Variants in RASSF3 observed in about 807,000 individuals in gnomAD.
RASSF3 encodes the protein ras association domain-containing protein 3.
RASSF3 carries 19 observed loss-of-function variants against 19.9 expected under a neutral mutation model. That is an observed-to-expected ratio of 0.96 (90% CI 0.67 to 1.40). The LOEUF is 1.40. Among genes scored for constraint, RASSF3 ranks in the 40% most tolerant of loss-of-function variants. RASSF3 has a pLI of 0.00. For synonymous variants in RASSF3, 110 were observed against 104.2 expected, an observed-to-expected ratio of 1.06 and a Z score of -0.34; for missense variants, 306 against 289.8, an observed-to-expected ratio of 1.06 and a Z score of -0.41.
intron 1 of RASSF3, among the ~76,000 whole-genome samples, chr12:64,664,853 T>C (rs986409555): frequency 2.6e-5 from 4 of 152,202 alleles, no homozygotes; most frequent in African/African-American, 9.7e-5. Flanking sequence ...CTAGCCTTGC[T>C]TTTTAGTTTA....
At chr12:64,637,827 T>A (rs1871374530) in intron 1 of RASSF3, among the ~76,000 whole-genome samples, 1 of 151,474 alleles carries the variant, frequency 6.6e-6, no homozygotes. Flanking sequence ...TTTCTATAGT[T>A]ATCAGATTTT....
chr12:64,627,264 CATCTCTTCT>C (rs1247627898), intron 1 of RASSF3, among the ~76,000 whole-genome samples: 2 of 152,144 alleles, frequency 1.3e-5, no homozygotes, highest in African/African-American at 4.8e-5. Context: ...ATTTATTCTC[CATCTCTTCT>C]ATGTCTGCTT....
At chr12:64,675,493 A>C (rs1340075539) in intron 1 of RASSF3, among the ~76,000 whole-genome samples, 1 of 152,092 alleles carries the variant, frequency 6.6e-6, no homozygotes, top group East Asian at 1.9e-4. Context: ...TAACTTTCTA[A>C]GGAACACTGG....
chr12:64,568,264 C>A (rs539115757), intron 2 of RASSF3, among the ~76,000 whole-genome samples: 1 of 152,048 alleles, frequency 6.6e-6, no homozygotes, highest in Admixed American at 6.5e-5. Flanking sequence ...AACTCCTGAC[C>A]TCAGATGATC....
intron 2 of RASSF3, among the ~76,000 whole-genome samples, chr12:64,552,825 C>CT (rs148374637): frequency 0.029 from 4,421 of 151,814 alleles, 226 homozygotes; most frequent in African/African-American, 0.1. Context: ...TTCTTTCTTT[C>CT]TTTTTTTTGA....
intron 1 of RASSF3, among the ~76,000 whole-genome samples, chr12:64,526,497 T>C (rs571476025): frequency 4.2e-4 from 64 of 152,282 alleles, no homozygotes; most frequent in African/African-American, 1.5e-3. Context: ...ACCACTATTC[T>C]ACTTTCTACC....
chr12:64,622,452 T>C (rs1428475166), intron 1 of RASSF3: 1 of 527,540 alleles, frequency 1.9e-6, no homozygotes, highest in African/African-American at 1.9e-5. Flanking sequence ...TAATTTATAC[T>C]GTTTACTTAT....
intron 1 of RASSF3, among the ~76,000 whole-genome samples, chr12:64,649,069 A>G (rs1871844292): frequency 1.3e-5 from 2 of 151,934 alleles, no homozygotes; most frequent in South Asian, 4.1e-4. Context: ...TTGGCCTCTC[A>G]GGGTGCTGGG....
chr12:64,589,188 G>C (rs1287428551), intron 2 of RASSF3, among the ~76,000 whole-genome samples: 1 of 152,160 alleles, frequency 6.6e-6, no homozygotes, highest in African/African-American at 2.4e-5. Flanking sequence ...AGTGGCTCAC[G>C]CCTATAATCC....
At chr12:64,637,789 T>TA (rs1290033471) in intron 1 of RASSF3, among the ~76,000 whole-genome samples, 1 of 151,874 alleles carries the variant, frequency 6.6e-6, no homozygotes, top group Non-Finnish European at 1.5e-5. Flanking sequence ...GGGCTGGTTC[T>TA]AAAATTAGGA....
At chr12:64,584,335 G>C (rs1354273835) in intron 2 of RASSF3, among the ~76,000 whole-genome samples, 1 of 152,052 alleles carries the variant, frequency 6.6e-6, no homozygotes, top group African/African-American at 2.4e-5. Context: ...GCCCAGAGGG[G>C]AAGAGGGACC....
At chr12:64,675,765 A>C (rs1872875726) in intron 1 of RASSF3, among the ~76,000 whole-genome samples, 1 of 152,086 alleles carries the variant, frequency 6.6e-6, no homozygotes, top group Non-Finnish European at 1.5e-5. Context: ...TCCCTCTCTA[A>C]CCTTTTCCTG....
downstream of RASSF3, chr12:64,541,734 G>T (rs1300471845): frequency 7.5e-6 from 3 of 398,334 alleles, no homozygotes; most frequent in East Asian, 7.1e-5. Flanking sequence ...TGTGGACATC[G>T]TGCGTTTCGG....
intron 2 of RASSF3, among the ~76,000 whole-genome samples, chr12:64,596,963 A>G (rs558258813): frequency 5.6e-4 from 85 of 151,938 alleles, no homozygotes; most frequent in African/African-American, 2.0e-3. Context: ...TCTCAACCTC[A>G]GGTGATCCAC....
intron 1 of RASSF3, among the ~76,000 whole-genome samples, chr12:64,682,938 C>A (rs541000716): frequency 6.6e-6 from 1 of 152,316 alleles, no homozygotes; most frequent in South Asian, 2.1e-4. Context: ...TTTACCCACA[C>A]CAGACCTTTG....
At chr12:64,568,896 G>T (rs55957499) in intron 2 of RASSF3, among the ~76,000 whole-genome samples, 6 of 152,132 alleles carry the variant, frequency 3.9e-5, no homozygotes, top group African/African-American at 1.4e-4. Flanking sequence ...TATTTTAGTA[G>T]AGACAGGGTT....
At chr12:64,539,951 A>C (rs372915112) in intron 1 of RASSF3, among the ~76,000 whole-genome samples, 4 of 152,304 alleles carry the variant, frequency 2.6e-5, no homozygotes, top group Admixed American at 1.3e-4. Flanking sequence ...TATTGTGGAC[A>C]TGTGGGTTTC....
intron 2 of RASSF3, among the ~76,000 whole-genome samples, chr12:64,574,930 T>G (rs1399275000): frequency 6.6e-6 from 1 of 152,222 alleles, no homozygotes; most frequent in East Asian, 1.9e-4. Context: ...ATACAGGTTA[T>G]CTACAAAAAT....
Position 64,610,647 on chromosome 12 carries a change from C to G in RASSF3, c.15C>G (p.Tyr5Ter), listed in dbSNP as rs747194185. 3.8e-6 allele frequency: 6 copies of G among 1,573,468 alleles called. No homozygotes were observed. The South Asian group carries it at 6.8e-5, about 18-fold the overall frequency. MSSG[Y>*]SSLEEDAEDF... ...GGACCGGCAGCATGAGCAGCGGCTA[C>G]AGCAGCCTGGAGGAGGACGCCGAGG... Residue 5 changes from tyrosine to a stop codon, truncating the protein, a stop_gained, in exon 1 of 5, where the codon TAC becomes TAG. Coordinates refer to ENST00000542104, the MANE Select transcript of RASSF3 (RefSeq NM_178169.4). LOFTEE classifies it high-confidence loss of function.
Sources: gnomAD v4.1 joint callset for allele counts (sites outside exome capture counted in the v4.1 genomes callset) on GRCh38, gnomAD v4.1.1 for gene constraint, MANE v1.5 for transcripts, NCBI Gene and HGNC (gene_info 2026-07-23, HGNC 2026-07-21) for gene names.